Variants in PRRG1 observed in about 807,000 individuals in gnomAD.
PRRG1 encodes the protein proline rich and Gla domain 1.
A neutral mutation model predicts 11.8 loss-of-function variants in PRRG1; 5 were observed. The ratio of observed to expected loss-of-function variants is 0.42; its 90% confidence interval spans 0.22 to 0.89. The LOEUF is 0.89. Ranked by LOEUF, PRRG1 falls within the 40% of genes least tolerant of loss-of-function variation. The pLI, the probability that PRRG1 is intolerant of heterozygous loss-of-function variation, is 0.28. For synonymous variants in PRRG1, 66 were observed against 60.4 expected (o/e 1.09, Z -0.43); for missense variants, 155 against 166.1 (o/e 0.93, Z 0.37).
intron 1 of PRRG1, among the ~76,000 whole-genome samples, chrX:37,384,378 A>G (rs1177131669): frequency 9.0e-6 from 1 of 111,419 alleles, no homozygotes; most frequent in Non-Finnish European, 1.9e-5. Context: ...AATGAAGCAA[A>G]TCCTGTCCAG....
At chrX:37,359,506 G>A (rs191237761) in intron 1 of PRRG1, among the ~76,000 whole-genome samples, 71 of 111,146 alleles carry the variant, frequency 6.4e-4, no homozygotes, top group East Asian at 2.5e-3. Context: ...TGATCATAGC[G>A]TATAATTTTT....
intron 2 of PRRG1, among the ~76,000 whole-genome samples, chrX:37,407,654 G>A (rs1396079489): frequency 1.8e-5 from 2 of 112,101 alleles, no homozygotes; most frequent in Non-Finnish European, 3.8e-5. Flanking sequence ...GATAATACAT[G>A]TAAAAGTGTT....
intron 3 of PRRG1, chrX:37,441,831 C>T (rs1467356713): frequency 2.1e-4 from 163 of 782,310 alleles, no homozygotes; most frequent in Non-Finnish European, 2.4e-4. Context: ...CCATGGAGTG[C>T]GCCTTCCACC....
At chrX:37,450,512 A>G (rs1302839205) in intron 3 of PRRG1, among the ~76,000 whole-genome samples, 2 of 112,429 alleles carry the variant, frequency 1.8e-5, no homozygotes, top group Admixed American at 9.4e-5. Flanking sequence ...CAGAATGCCA[A>G]AAAACAGAGA....
At chrX:37,361,387 T>C (rs1459296035) in intron 1 of PRRG1, among the ~76,000 whole-genome samples, 1 of 110,825 alleles carries the variant, frequency 9.0e-6, no homozygotes, top group Non-Finnish European at 1.9e-5. Flanking sequence ...TCCATTATTG[T>C]GGGGTAATAA....
At chrX:37,373,491 T>C (rs1200425742) in intron 1 of PRRG1, among the ~76,000 whole-genome samples, 3 of 112,080 alleles carry the variant, frequency 2.7e-5, no homozygotes, top group Non-Finnish European at 3.8e-5. Context: ...CAGTTTTCAG[T>C]GTACACAACT....
At chrX:37,360,512 A>G (rs1326760960) in intron 1 of PRRG1, among the ~76,000 whole-genome samples, 5 of 112,263 alleles carry the variant, frequency 4.5e-5, no homozygotes, top group African/African-American at 6.5e-5. Context: ...GTAGTCTGAG[A>G]GCTGACATTG....
intron 1 of PRRG1, among the ~76,000 whole-genome samples, chrX:37,380,923 G>A (rs9969981): frequency 0.025 from 2,814 of 111,363 alleles, 87 homozygotes; most frequent in African/African-American, 0.085. Context: ...CAACTTGGCA[G>A]GATTTCCACA....
At chrX:37,403,396 G>C (rs782344879) in intron 1 of PRRG1, among the ~76,000 whole-genome samples, 1 of 99,708 alleles carries the variant, frequency 1.0e-5, no homozygotes, top group Non-Finnish European at 2.0e-5. Context: ...ACCAAACACC[G>C]CCTGTTCTCA....
At chrX:37,395,320 A>G (rs574573180) in intron 1 of PRRG1, among the ~76,000 whole-genome samples, 1 of 111,887 alleles carries the variant, frequency 8.9e-6, no homozygotes, top group African/African-American at 3.2e-5. Flanking sequence ...GTCTATTAAG[A>G]TAAGTATATC....
chrX:37,421,783 A>G (rs1932667057), intron 2 of PRRG1, among the ~76,000 whole-genome samples: 1 of 112,266 alleles, frequency 8.9e-6, no homozygotes, highest in Non-Finnish European at 1.9e-5. Context: ...TAGGTTTCCA[A>G]ATACTTTGAT....
chrX:37,400,520 A>G (rs1262381261), intron 1 of PRRG1, among the ~76,000 whole-genome samples: 1 of 111,510 alleles, frequency 9.0e-6, no homozygotes, highest in Non-Finnish European at 1.9e-5. Flanking sequence ...AATGCCCACA[A>G]GAGAAAGCAG....
intron 1 of PRRG1, among the ~76,000 whole-genome samples, chrX:37,357,452 C>T (rs1170183729): frequency 8.9e-6 from 1 of 112,109 alleles, no homozygotes; most frequent in African/African-American, 3.2e-5. Context: ...AGTAGTCCCC[C>T]TCCCCATCCA....
At chrX:37,350,472 T>A (rs1354757881) in intron 1 of PRRG1, among the ~76,000 whole-genome samples, 1 of 111,476 alleles carries the variant, frequency 9.0e-6, no homozygotes, top group Non-Finnish European at 1.9e-5. Context: ...CAAGAGTGGA[T>A]TATTGGGCAT....
chrX:37,362,117 G>T (rs1028638444), intron 1 of PRRG1, among the ~76,000 whole-genome samples: 14 of 111,779 alleles, frequency 1.3e-4, no homozygotes, highest in Non-Finnish European at 1.3e-4. Context: ...AAGAAATTTA[G>T]TTATTTAGGT....
At chrX:37,449,238 G>C (rs1921027904) in intron 3 of PRRG1, among the ~76,000 whole-genome samples, 1 of 111,525 alleles carries the variant, frequency 9.0e-6, no homozygotes, top group Admixed American at 9.6e-5. Context: ...TTCAAGGATA[G>C]GGAGAAGCTG....
In PRRG1 at chrX:37,410,311, A is replaced by G. The variant is rs151201692; in HGVS notation, c.10+4052A>G. Among the ~76,000 whole-genome samples the G allele has an allele frequency of 3.3e-3, 374 of 112,188 alleles. 2 individuals carry two copies. The highest frequency in any genetic ancestry group is 0.011 in the African/African-American group (351 of 30,914). On this transcript the variant is annotated intron_variant, in intron 2 of 3. Coordinates refer to ENST00000378628, the MANE Select transcript of PRRG1 (RefSeq NM_001142395.2). ...TTTATGTATTATAAAACTGAGGCTCATAAGAAAAAGTCTTATCTGTAATCC... is the reference window on the plus strand; with the variant it reads ...TTTATGTATTATAAAACTGAGGCTCGTAAGAAAAAGTCTTATCTGTAATCC...
chrX:37,431,232 A>G (rs1003762401), intron 3 of PRRG1, among the ~76,000 whole-genome samples: 1 of 112,337 alleles, frequency 8.9e-6, no homozygotes, highest in Non-Finnish European at 1.9e-5. Flanking sequence ...TTGTATTGAC[A>G]TAAATTTTCA....
At chrX:37,422,471 A>G (rs1390451175) in intron 2 of PRRG1, among the ~76,000 whole-genome samples, 2 of 111,866 alleles carry the variant, frequency 1.8e-5, no homozygotes, top group Non-Finnish European at 3.8e-5. Context: ...AGACATGTTT[A>G]TTCTGGAAAG....
Sources: gnomAD v4.1 joint callset for allele counts (sites outside exome capture counted in the v4.1 genomes callset) on GRCh38, gnomAD v4.1.1 for gene constraint, MANE v1.5 for transcripts, NCBI Gene and HGNC (gene_info 2026-07-23, HGNC 2026-07-21) for gene names.